Variants in MICALL2 observed in about 807,000 individuals in gnomAD.
MICALL2 encodes MICAL-like protein 2.
Under a neutral mutation model 91.1 loss-of-function variants are expected in MICALL2, and 111 were observed. The ratio of observed to expected loss-of-function variants is 1.22; its 90% CI spans 1.04 to 1.43. The LOEUF (loss-of-function observed/expected upper bound fraction) is 1.43. MICALL2 is among the 40% of genes most tolerant of loss of function. The pLI, the probability that MICALL2 is intolerant of heterozygous loss-of-function variation, is 0.00. For synonymous variants in MICALL2, 694 were observed against 525.3 expected, an observed-to-expected ratio of 1.32 and a Z score of -4.39; for missense variants, 1,556 against 1,236.0, an observed-to-expected ratio of 1.26 and a Z score of -3.88.
chr7:1,437,481 G>A, intron 14 of MICALL2, 54 bp downstream of exon 14: 2 of 1,458,856 alleles, frequency 1.4e-6, no homozygotes, highest in Admixed American at 2.5e-5. Flanking sequence ...CAGACATCCT[G>A]GGCTCCGCGG....
In MICALL2 at chr7:1,438,201, G is replaced by T; in HGVS notation, c.2207C>A (p.Ser736Tyr). ...CAGCTGCCTCTGTATCTCCTCCGGG[G>T]AGAGGTAGTCGGGGTGCAGCTGGGA... ...SPVRLHPDYL[S>Y]PEEIQRQLQD... The change falls in exon 12 of 17, where the codon TCC becomes TAC. Residue 736 changes from serine to tyrosine, a missense_variant. Transcript: ENST00000297508. The T allele has an allele frequency of 1.9e-6, 3 of 1,583,598 alleles. No homozygotes were observed. Among genetic ancestry groups the T allele is most frequent in the Non-Finnish European group, 2.6e-6 (3 of 1,164,878 alleles).
chr7:1,446,030 G>A (rs1444129795), intron 5 of MICALL2, among the ~76,000 whole-genome samples: 9 of 147,360 alleles, frequency 6.1e-5, no homozygotes, highest in African/African-American at 5.1e-5. Flanking sequence ...CGGGGGCACT[G>A]GAGGAGGCAT....
intron 11 of MICALL2, 30 bp downstream of exon 11, chr7:1,438,259 G>C (rs750729432): frequency 3.8e-6 from 6 of 1,587,124 alleles, no homozygotes; most frequent in South Asian, 1.1e-5. Flanking sequence ...GGAGGGCTGG[G>C]CCCCTGCCCG....
intron 7 of MICALL2, chr7:1,441,422 C>T (rs1261076153): frequency 6.5e-6 from 1 of 153,320 alleles, no homozygotes; most frequent in Non-Finnish European, 1.5e-5. Flanking sequence ...CCCAGCCTGG[C>T]CATGATCACC....
chr7:1,438,613 G>A lies in MICALL2; in HGVS notation c.2122+227C>T, dbSNP rs942198789. On this transcript the variant is annotated intron_variant, in intron 10 of 16. Coordinates refer to ENST00000297508, the MANE Select transcript of MICALL2 (RefSeq NM_182924.4). The stretch of plus-strand genomic sequence containing the variant: ...ACCCCAGTCCCTCAAGCTGCCAGAA[G>A]CAGACATTCCATCATCACCATGAGT... 12 of 1,420,312 alleles carry A rather than the reference G, an allele frequency of 8.4e-6. No homozygotes were observed. The Admixed American group carries it at 1.2e-4, about 14-fold the overall frequency. The allele number at this position is 1,420,312 out of a possible 1,614,324, so 88.0% of individuals were successfully genotyped here.
intron 3 of MICALL2, 172 bp from the exon 4 acceptor site, chr7:1,447,937 G>A (rs556592628): frequency 4.6e-5 from 22 of 478,758 alleles, no homozygotes; most frequent in Middle Eastern, 5.5e-4. Flanking sequence ...GCCCCGGGTC[G>A]GTCCCCACTC....
intron 10 of MICALL2, 32 bp downstream of exon 10, chr7:1,438,808 C>T (rs1425272081): frequency 1.9e-6 from 3 of 1,576,570 alleles, no homozygotes; most frequent in African/African-American, 2.7e-5. Context: ...TTCACGTACA[C>T]CCCAAACAGC....
Position 1,438,366 on chromosome 7 carries a change from C to G in MICALL2, c.2123-13G>C, listed in dbSNP as rs1780089625. 2 of 1,595,286 alleles carry G rather than the reference C, an allele frequency of 1.3e-6. No homozygotes were observed. The highest frequency in any genetic ancestry group is 1.7e-6 in the Non-Finnish European group (2 of 1,172,308). ...GACAAGGGTCTCCCTGGAGAAGGAG[C>G]AGGGTGAGCCTCTGGGACCTGGGCC... On this transcript the variant is annotated splice_polypyrimidine_tract_variant and intron_variant, in intron 10 of 16. Coordinates refer to ENST00000297508, the MANE Select transcript of MICALL2 (RefSeq NM_182924.4).
In MICALL2 at chr7:1,440,022, C is replaced by G. The variant is rs1266761897; in HGVS notation, c.1869G>C (p.Lys623Asn). ...AEPRAGEAPRKVSGSFAGSVH... is the reference protein window; with the variant it reads ...AEPRAGEAPRNVSGSFAGSVH... ...CACTCCCAGCAAAGCTGCCTGAGAC[C>G]TTCCTGGGGGCCTCCCCCGCCCTCG... is the stretch of plus-strand genomic sequence containing the variant. The change falls in exon 9 of 17, where the codon AAG (lysine) becomes AAC (asparagine). Residue 623 changes from lysine to asparagine, a missense_variant. Lys to Asn is a moderately conservative substitution (Grantham distance 94). Coordinates refer to ENST00000297508, the MANE Select transcript of MICALL2 (RefSeq NM_182924.4). 2 of 1,573,782 alleles carry G rather than the reference C, an allele frequency of 1.3e-6. No homozygotes were observed. Among genetic ancestry groups the G allele is most frequent in the Non-Finnish European group, 8.6e-7 (1 of 1,167,600 alleles).
Position 1,451,731 on chromosome 7 carries a change from C to A in MICALL2, c.144-1443G>T, listed in dbSNP as rs1433255220. Among the ~76,000 whole-genome samples, 4 of 152,242 alleles carry A rather than the reference C, an allele frequency of 2.6e-5. No individual in the cohort carries two copies. Among genetic ancestry groups the A allele is most frequent in the Non-Finnish European group, 5.9e-5 (4 of 68,038 alleles). On this transcript the variant is annotated intron_variant, in intron 1 of 16. Transcript: ENST00000297508. This position sits in a 1 kb window ranked among gnomAD's most constrained non-coding sequence, Gnocchi z 4.5. ...GTCTCCCTGTCTGGGAGGACAACCG[C>A]AGCTCCTGGTGGCGAATCTGACGGC...
At position 1,439,015 on chromosome 7, in the gene MICALL2, C is replaced by A; in HGVS notation, c.1967-20G>T. On this transcript the variant is annotated intron_variant, in intron 9 of 16. Coordinates refer to ENST00000297508, the MANE Select transcript of MICALL2 (RefSeq NM_182924.4). The stretch of plus-strand genomic sequence containing the variant: ...ACCTGGCTGCCCCCAGGTGGGGAGA[C>A]AGAGCCACGCTTCAGAGCAGGGCCA... The A allele has an allele frequency of 6.4e-7, 1 of 1,572,222 alleles. No individual in the cohort carries two copies. The highest frequency in any genetic ancestry group is 8.6e-7 in the Non-Finnish European group (1 of 1,159,592).
intron 13 of MICALL2, 112 bp from the exon 14 acceptor site, chr7:1,437,720 T>C: frequency 1.5e-6 from 2 of 1,303,336 alleles, no homozygotes; most frequent in South Asian, 2.5e-5. Flanking sequence ...GTCTGAGGCC[T>C]GACTCGCCGC....
At chr7:1,446,594 G>T in intron 5 of MICALL2, 119 bp downstream of exon 5, 1 of 660,980 alleles carries the variant, frequency 1.5e-6, no homozygotes, top group Admixed American at 2.2e-5. Flanking sequence ...GGGGAGAGGG[G>T]AGAGGGGAGA....
chr7:1,439,103 T>G, intron 9 of MICALL2, 108 bp from the exon 10 acceptor site: 1 of 881,694 alleles, frequency 1.1e-6, no homozygotes, highest in Non-Finnish European at 1.7e-6. Flanking sequence ...GCCATCCCCA[T>G]GCCCTGGGCC....
chr7:1,459,153 G>A (rs769104730), intron 1 of MICALL2, 31 bp downstream of exon 1: 3 of 1,591,710 alleles, frequency 1.9e-6, no homozygotes, highest in Admixed American at 1.7e-5. Flanking sequence ...CCGAACAGCA[G>A]AAGAATCAAA....
rs1372407840 is a variant in MICALL2 at position 1,445,021 on chromosome 7, G to A, written c.1049C>T (p.Ser350Leu). The change falls in exon 6 of 17, where the codon TCA (serine) becomes TTA (leucine). Residue 350 changes from serine to leucine, a missense_variant. Transcript: ENST00000297508. ...VTNSSPMGWS[S>L]AAPCTAAAAS... is the part of the protein sequence containing the mutation. ...AGCCGCTGCTGTGCACGGGGCAGCT[G>A]ACGACCAGCCCATCGGGGAGCTATT... 1.3e-6 allele frequency: 2 copies of A among 1,526,220 alleles called. No homozygotes were observed. The highest frequency in any genetic ancestry group is 1.7e-4 in the Middle Eastern group (1 of 5,840). 94.5% of individuals were successfully genotyped at this position (1,526,220 alleles called of 1,614,324 possible).
chr7:1,445,555 CCGCCA>C, intron 5 of MICALL2, 127 bp from the exon 6 acceptor site: 2 of 857,764 alleles, frequency 2.3e-6, no homozygotes, highest in Non-Finnish European at 3.5e-6. Context: ...AACGCCCGCC[CCGCCA>C]CGCATTCACC....
intron 10 of MICALL2, 100 bp from the exon 11 acceptor site, chr7:1,438,453 G>T: frequency 2.0e-6 from 3 of 1,509,776 alleles, no homozygotes; most frequent in Non-Finnish European, 2.7e-6. Context: ...CAGCACAGCT[G>T]GCCCCAGCCC....
At chr7:1,445,506 A>C in intron 5 of MICALL2, 78 bp from the exon 6 acceptor site, 2 of 1,356,812 alleles carry the variant, frequency 1.5e-6, no homozygotes, top group Non-Finnish European at 9.7e-7. Flanking sequence ...TCCTGATAGC[A>C]GGCATTGCGG....
Sources: allele counts gnomAD v4.1 joint callset (sites outside exome capture counted in the v4.1 genomes callset), GRCh38; gene constraint gnomAD v4.1.1; non-coding constraint Gnocchi (gnomAD v3.1); transcripts MANE v1.5; gene names NCBI Gene and HGNC (gene_info 2026-07-23, HGNC 2026-07-21).